The following COL21A1 variants were observed in gnomAD, a reference collection of about 807,000 sequenced individuals.
COL21A1 encodes collagen type XXI alpha 1 chain, also known as collagen alpha-1(XXI) chain.
Under a neutral mutation model 137.9 loss-of-function variants are expected in COL21A1, and 149 were observed. The ratio of observed to expected loss-of-function variants is 1.08; its 90% confidence interval spans 0.95 to 1.24. The LOEUF is 1.24. Ranked by LOEUF, COL21A1 falls within the 50% of genes most tolerant of loss-of-function variation. The probability of loss-of-function intolerance (pLI) is 0.00; values close to 1 mark genes in which losing one functional copy is unlikely to be tolerated. For missense variants in COL21A1, 1,167 were observed against 1,158.4 expected (o/e 1.01, Z -0.11); for synonymous variants, 456 against 391.5 (o/e 1.16, Z -1.95).
At chr6:56,374,488 G>T (rs1199290828) in intron 1 of COL21A1, among the ~76,000 whole-genome samples, 28 of 152,144 alleles carry the variant, frequency 1.8e-4, no homozygotes, top group Non-Finnish European at 3.7e-4. Context: ...ACATTGGGAG[G>T]CCCAGGCTAG....
intron 1 of COL21A1, among the ~76,000 whole-genome samples, chr6:56,320,414 TAAGACC>T (rs1370913640): frequency 1.3e-5 from 2 of 151,984 alleles, no homozygotes; most frequent in Non-Finnish European, 2.9e-5. Flanking sequence ...TATTTTAAAG[TAAGACC>T]AGGCCACTTC....
chr6:56,343,228 T>C (rs1214734829), intron 1 of COL21A1, among the ~76,000 whole-genome samples: 2 of 152,102 alleles, frequency 1.3e-5, no homozygotes, highest in Non-Finnish European at 2.9e-5. Flanking sequence ...TAAATGTCTG[T>C]ATCTGGTCTT....
intron 1 of COL21A1, among the ~76,000 whole-genome samples, chr6:56,205,428 T>C (rs1188686292): frequency 2.0e-5 from 3 of 151,610 alleles, no homozygotes; most frequent in Non-Finnish European, 4.4e-5. Flanking sequence ...GAAGACAAGA[T>C]TAGAGAAAAA....
intron 16 of COL21A1, among the ~76,000 whole-genome samples, chr6:56,105,745 T>C (rs1582369635): frequency 6.6e-6 from 1 of 152,336 alleles, no homozygotes; most frequent in Middle Eastern, 3.4e-3. Flanking sequence ...TAATGATTTA[T>C]GAGATTAATG....
chr6:56,265,142 G>A (rs1763365890), intron 1 of COL21A1, among the ~76,000 whole-genome samples: 1 of 152,184 alleles, frequency 6.6e-6, no homozygotes, highest in Non-Finnish European at 1.5e-5. Flanking sequence ...TAAGACAGGG[G>A]CTGGAAGCGG....
intron 1 of COL21A1, among the ~76,000 whole-genome samples, chr6:56,212,085 G>T (rs536913094): frequency 6.6e-6 from 1 of 152,078 alleles, no homozygotes; most frequent in East Asian, 1.9e-4. Context: ...ATTCTAAGAA[G>T]GGCAAGCAAG....
intron 1 of COL21A1, among the ~76,000 whole-genome samples, chr6:56,337,961 C>CT (rs200998969): frequency 3.5e-3 from 319 of 90,852 alleles, no homozygotes; most frequent in South Asian, 4.8e-3. Context: ...CTTTTCTTTT[C>CT]TTTTTTTTTT....
At chr6:56,363,077 C>G (rs1195142162) in intron 1 of COL21A1, among the ~76,000 whole-genome samples, 1 of 152,172 alleles carries the variant, frequency 6.6e-6, no homozygotes, top group Non-Finnish European at 1.5e-5. Flanking sequence ...GAATGTTTGA[C>G]ATCTGTTATG....
chr6:56,071,390 G>C (rs992659320), intron 20 of COL21A1, among the ~76,000 whole-genome samples: 1 of 151,600 alleles, frequency 6.6e-6, no homozygotes, highest in South Asian at 2.1e-4. Context: ...TAGAGAAAGA[G>C]AAAACAAGTC....
At chr6:56,179,453 T>C in intron 3 of COL21A1, 125 bp downstream of exon 3, 2 of 689,548 alleles carry the variant, frequency 2.9e-6, no homozygotes, top group Non-Finnish European at 4.7e-6. Context: ...TTATAAATGT[T>C]GTAACATTAT....
At chr6:56,184,206 C>G (rs1778113055) in intron 1 of COL21A1, among the ~76,000 whole-genome samples, 1 of 151,938 alleles carries the variant, frequency 6.6e-6, no homozygotes, top group African/African-American at 2.4e-5. Flanking sequence ...AAGCGAGACA[C>G]AAAGTAAATC....
intron 2 of COL21A1, among the ~76,000 whole-genome samples, chr6:56,181,585 G>C (rs537844205): frequency 6.6e-6 from 1 of 151,990 alleles, no homozygotes; most frequent in African/African-American, 2.4e-5. Flanking sequence ...CCTGTCACAG[G>C]GCCACAGAGC....
chr6:56,393,389 AACAAC>A (rs2094033703), intron 1 of COL21A1, among the ~76,000 whole-genome samples: 2 of 152,208 alleles, frequency 1.3e-5, no homozygotes, highest in African/African-American at 4.8e-5. Flanking sequence ...TGAACTATGA[AACAAC>A]ACAAAGAAAA....
At chr6:56,296,196 T>A (rs1764159823) in intron 1 of COL21A1, among the ~76,000 whole-genome samples, 1 of 151,940 alleles carries the variant, frequency 6.6e-6, no homozygotes, top group African/African-American at 2.4e-5. Flanking sequence ...TCTTAAAACA[T>A]GGTAGGTACT....
intron 3 of COL21A1, among the ~76,000 whole-genome samples, chr6:56,175,610 A>C (rs1777406083): frequency 6.6e-6 from 1 of 152,134 alleles, no homozygotes; most frequent in Non-Finnish European, 1.5e-5. Flanking sequence ...TGAAAACTAC[A>C]AAACATTGAT....
chr6:56,204,126 C>A (rs1442115837), intron 1 of COL21A1, among the ~76,000 whole-genome samples: 1 of 152,018 alleles, frequency 6.6e-6, no homozygotes, highest in Non-Finnish European at 1.5e-5. Flanking sequence ...GGAACGCCAG[C>A]GAGACAGAAT....
chr6:56,087,757 C>T (rs776787108), intron 17 of COL21A1, among the ~76,000 whole-genome samples: 3 of 152,166 alleles, frequency 2.0e-5, no homozygotes, highest in Non-Finnish European at 2.9e-5. Flanking sequence ...GCTTGTTTCT[C>T]TTCCTTACTA....
chr6:56,094,131 C>G (rs1318519655), intron 17 of COL21A1, among the ~76,000 whole-genome samples: 1 of 152,098 alleles, frequency 6.6e-6, no homozygotes, highest in Non-Finnish European at 1.5e-5. Flanking sequence ...TCTCCTCACA[C>G]TTTACTATAA....
chr6:56,095,221 A>G (rs1769210129), intron 17 of COL21A1, among the ~76,000 whole-genome samples: 1 of 152,194 alleles, frequency 6.6e-6, no homozygotes, highest in South Asian at 2.1e-4. Flanking sequence ...AACATACTTT[A>G]GGATCACTTG....
Sources: gnomAD v4.1 joint callset for allele counts (sites outside exome capture counted in the v4.1 genomes callset) on GRCh38, gnomAD v4.1.1 for gene constraint, MANE v1.5 for transcripts, NCBI Gene and HGNC (gene_info 2026-07-23, HGNC 2026-07-21) for gene names.